DOCK1: variants seen among roughly 807,000 people sequenced by gnomAD.
DOCK1 encodes dedicator of cytokinesis 1.
Under a neutral mutation model 262.7 loss-of-function variants are expected in DOCK1, and 138 were observed. The ratio of observed to expected loss-of-function variants is 0.53; its 90% CI spans 0.46 to 0.61. The LOEUF (loss-of-function observed/expected upper bound fraction) is 0.61, where lower values mean the gene tolerates loss of function less well. Among genes scored for constraint, DOCK1 ranks in the 20% least tolerant of loss-of-function variants. The probability of loss-of-function intolerance (pLI) is 0.00; values close to 1 mark genes in which losing one functional copy is unlikely to be tolerated. For synonymous variants in DOCK1, 866 were observed against 867.4 expected, an observed-to-expected ratio of 1.00 and a Z score of 0.03; for missense variants, 1,908 against 2,370.7, an observed-to-expected ratio of 0.80 and a Z score of 4.05.
At chr10:126,997,949 GA>G in intron 7 of DOCK1, 142 bp from the exon 8 acceptor site, 3 of 1,004,586 alleles carry the variant, frequency 3.0e-6, no homozygotes, top group Non-Finnish European at 4.4e-6. Context: ...ATGTGCAGGG[GA>G]GATAAGAAAG....
At chr10:126,954,307 C>G (rs1423361160) in intron 1 of DOCK1, among the ~76,000 whole-genome samples, 9 of 152,386 alleles carry the variant, frequency 5.9e-5, no homozygotes, top group African/African-American at 2.2e-4. Flanking sequence ...TTGGGAATCA[C>G]AGCCGATGCA....
At chr10:127,096,569 C>G (rs1261801224) in intron 23 of DOCK1, among the ~76,000 whole-genome samples, 1 of 151,936 alleles carries the variant, frequency 6.6e-6, no homozygotes, top group African/African-American at 2.4e-5. Flanking sequence ...CTCTTCTAAT[C>G]TTATATAAAG....
Position 127,163,728 on chromosome 10 carries a change from C to A in DOCK1, c.2847+35964C>A, listed in dbSNP as rs180831730. The stretch of plus-strand genomic sequence containing the variant: ...ATCAGTCGTCTTCTGCTTCCGACAC[C>A]CAGTTTTGAAAATAAATAGCTTAGT... On this transcript the variant is annotated intron_variant, in intron 27 of 51. Coordinates refer to ENST00000623213, the MANE Select transcript of DOCK1 (RefSeq NM_001290223.2). 1.3e-3 allele frequency among the ~76,000 whole-genome samples: 203 copies of A among 151,968 alleles called. 1 individual carries two copies. Among genetic ancestry groups the A allele is most frequent in the African/African-American group, 4.8e-3 (199 of 41,438 alleles).
intron 32 of DOCK1, among the ~76,000 whole-genome samples, chr10:127,358,576 A>T (rs1027051727): frequency 6.6e-5 from 10 of 152,288 alleles, no homozygotes; most frequent in Middle Eastern, 6.8e-3. Flanking sequence ...AGCCAGCCAG[A>T]ACGAATGTGC....
intron 1 of DOCK1, among the ~76,000 whole-genome samples, chr10:126,933,196 A>C (rs2134193924): frequency 6.6e-6 from 1 of 152,226 alleles, no homozygotes; most frequent in African/African-American, 2.4e-5. Flanking sequence ...CGTTGAGGTG[A>C]AAGTACAACT....
At chr10:126,974,870 A>G (rs934792578) in intron 2 of DOCK1, among the ~76,000 whole-genome samples, 2 of 152,058 alleles carry the variant, frequency 1.3e-5, no homozygotes, top group Admixed American at 1.3e-4. Context: ...TGCATGCCAA[A>G]AATCGTGGGG....
chr10:127,212,439 G>A (rs1214688822), intron 27 of DOCK1, among the ~76,000 whole-genome samples: 1 of 152,056 alleles, frequency 6.6e-6, no homozygotes, highest in African/African-American at 2.4e-5. Context: ...AGTTGAGAAT[G>A]TGTTTCCATT....
rs1326738890 is a variant in DOCK1, at chr10:127,409,052, T to C, written c.4138T>C (p.Tyr1380His). 32 of 1,586,716 alleles carry C rather than the reference T, an allele frequency of 2.0e-5. No individual in the cohort carries two copies. Among genetic ancestry groups the C allele is most frequent in the African/African-American group, 4.0e-5 (3 of 74,406 alleles). The change falls in exon 41 of 52, where the codon TAC becomes CAC. Residue 1380 changes from tyrosine to histidine, a missense_variant. Physicochemically the swap from Tyr to His is moderately conservative, Grantham distance 83 (BLOSUM62 2). Transcript: ENST00000623213. ...PTFLRGKVFIYRGKEYERRED... is the reference protein window; with the variant it reads ...PTFLRGKVFIHRGKEYERRED... ...CCCTTTTCAGGGAAAAGTTTTCATT[T>C]ACCGAGGGAAAGAGTATGAGCGCCG...
rs970642593 is a variant in DOCK1 at position 127,031,859 on chromosome 10, C to T, written c.1728+106C>T. 173 of 1,036,758 alleles carry T rather than the reference C, an allele frequency of 1.7e-4. No homozygotes were observed. In the African/African-American group the frequency reaches 1.9e-3, roughly 11 times the overall value. The allele number at this position is 1,036,758 out of a possible 1,614,324, so 64.2% of individuals were successfully genotyped here. On this transcript the variant is annotated intron_variant, in intron 17 of 51. Transcript: ENST00000623213. ...CCCATCATTGTGAGGAAGCTGCTAT[C>T]TAGCTACATTTAATTATGCAAATGA...
chr10:127,346,478 G>C, intron 31 of DOCK1, among the ~76,000 whole-genome samples: 1 of 152,144 alleles, frequency 6.6e-6, no homozygotes, highest in Non-Finnish European at 1.5e-5. Flanking sequence ...CACCTGTGGT[G>C]CCAGCTACTC....
intron 27 of DOCK1, among the ~76,000 whole-genome samples, chr10:127,140,975 C>G (rs2051185085): frequency 6.6e-6 from 1 of 152,206 alleles, no homozygotes; most frequent in Admixed American, 6.5e-5. Flanking sequence ...TTCAGCTTCC[C>G]CTTCCTGCTG....
intron 23 of DOCK1, among the ~76,000 whole-genome samples, chr10:127,084,678 C>G (rs768153038): frequency 6.6e-6 from 1 of 152,166 alleles, no homozygotes; most frequent in African/African-American, 2.4e-5. Flanking sequence ...GAATGGAGCT[C>G]AAACTTCACA....
rs1371175454 is a variant in DOCK1, at chr10:126,970,784, A to G, written c.129A>G (p.Glu43=). ...CTGTGCACATCTTAGAAACATATGA[A>G]GGTGCGTATGCATCTTGGTATCTTT... ...GDTVHILETY[E]GWYRGYTLRK... is the part of the protein sequence containing the mutation. Residue 43 remains glutamate, a splice_region_variant and synonymous_variant, in exon 2 of 52, where the codon GAA becomes GAG. Transcript: ENST00000623213. 1.9e-6 allele frequency: 3 copies of G among 1,612,086 alleles called. No homozygotes were observed. The highest frequency in any genetic ancestry group is 2.7e-5 in the African/African-American group (2 of 74,926).
At chr10:127,410,377 T>C (rs2067772146) in intron 42 of DOCK1, among the ~76,000 whole-genome samples, 1 of 152,220 alleles carries the variant, frequency 6.6e-6, no homozygotes, top group African/African-American at 2.4e-5. Flanking sequence ...CGCCCTGCCC[T>C]GTGCATGCGG....
intron 29 of DOCK1, among the ~76,000 whole-genome samples, chr10:127,318,359 C>T (rs769010491): frequency 6.6e-6 from 1 of 152,136 alleles, no homozygotes; most frequent in South Asian, 2.1e-4. Flanking sequence ...AGGTGTGATC[C>T]CAGCACACTG....
At chr10:127,384,177 CGTT>C (rs1381181830) in intron 37 of DOCK1, among the ~76,000 whole-genome samples, 1 of 152,188 alleles carries the variant, frequency 6.6e-6, no homozygotes, top group African/African-American at 2.4e-5. Flanking sequence ...GGAGCTGACA[CGTT>C]GTATCTGTTA....
chr10:127,382,954 T>C (rs2065902626), intron 37 of DOCK1, among the ~76,000 whole-genome samples: 1 of 152,206 alleles, frequency 6.6e-6, no homozygotes, highest in Non-Finnish European at 1.5e-5. Flanking sequence ...AATTTTCCAG[T>C]TTAATGGGGA....
chr10:127,083,467 A>G (rs1237602857), intron 23 of DOCK1, among the ~76,000 whole-genome samples: 1 of 151,928 alleles, frequency 6.6e-6, no homozygotes, highest in Non-Finnish European at 1.5e-5. Context: ...GATTTGAGAA[A>G]CCCTTCGGCT....
intron 29 of DOCK1, among the ~76,000 whole-genome samples, chr10:127,319,029 G>T (rs2062405904): frequency 1.3e-5 from 2 of 152,138 alleles, no homozygotes; most frequent in Admixed American, 1.3e-4. Context: ...CACCCTAATG[G>T]CAGGGATCTG....
Sources: gnomAD v4.1 joint callset for allele counts (sites outside exome capture counted in the v4.1 genomes callset) on GRCh38, gnomAD v4.1.1 for gene constraint, MANE v1.5 for transcripts, NCBI Gene and HGNC (gene_info 2026-07-23, HGNC 2026-07-21) for gene names.